The following SMAD9 variants were observed in gnomAD, a reference collection of about 807,000 sequenced individuals.
The protein encoded by SMAD9 is SMAD family member 9, also known as MAD homolog 9.
Under a neutral mutation model 46.1 loss-of-function variants are expected in SMAD9, and 36 were observed. The observed-to-expected ratio is 0.78, with a 90% CI of 0.60 to 1.03. The LOEUF (loss-of-function observed/expected upper bound fraction) is 1.03. SMAD9 is among the 50% of genes least tolerant of loss of function. The pLI is 0.00. For missense variants in SMAD9, 572 were observed against 599.8 expected (o/e 0.95, Z 0.48); for synonymous variants, 245 against 237.1 (o/e 1.03, Z -0.31).
chr13:36,916,590 T>G (rs1022569694), intron 1 of SMAD9, among the ~76,000 whole-genome samples: 3 of 152,086 alleles, frequency 2.0e-5, no homozygotes, highest in African/African-American at 7.2e-5. Flanking sequence ...TATTTATTGA[T>G]AGAGTACTAT....
intron 1 of SMAD9, among the ~76,000 whole-genome samples, chr13:36,889,608 C>T (rs1400078185): frequency 6.6e-6 from 1 of 152,086 alleles, no homozygotes; most frequent in East Asian, 1.9e-4. Flanking sequence ...TTTATGTATA[C>T]ACAAAATTAT....
At chr13:36,873,142 G>A (rs190523721) in intron 2 of SMAD9, among the ~76,000 whole-genome samples, 225 of 152,240 alleles carry the variant, frequency 1.5e-3, no homozygotes, top group South Asian at 9.3e-3. Context: ...TCTTCTCCTT[G>A]TAACCGGAAT....
At chr13:36,876,633 A>C (rs866790327) in intron 2 of SMAD9, among the ~76,000 whole-genome samples, 2 of 152,352 alleles carry the variant, frequency 1.3e-5, no homozygotes, top group Non-Finnish European at 1.5e-5. Flanking sequence ...GAAATTAAAA[A>C]AATAAAAACT....
intron 1 of SMAD9, among the ~76,000 whole-genome samples, chr13:36,882,030 C>G (rs558113046): frequency 7.2e-5 from 11 of 152,268 alleles, no homozygotes; most frequent in African/African-American, 2.6e-4. Context: ...AACAACAGTT[C>G]CCTAAACCAG....
intron 1 of SMAD9, among the ~76,000 whole-genome samples, chr13:36,882,334 T>C (rs991966270): frequency 6.6e-6 from 1 of 151,878 alleles, no homozygotes; most frequent in Non-Finnish European, 1.5e-5. Flanking sequence ...ATAAAAAAGT[T>C]TGAAAAGCAC....
At chr13:36,915,509 G>A (rs749856114) in intron 1 of SMAD9, among the ~76,000 whole-genome samples, 33 of 152,076 alleles carry the variant, frequency 2.2e-4, no homozygotes, top group Non-Finnish European at 3.7e-4. Context: ...ATCCCCACCA[G>A]TGAATCAGCT....
At position 36,865,538 on chromosome 13, in the gene SMAD9, C is replaced by CT; in HGVS notation, c.1001dup (p.Val336CysfsTer17). ...AAGGAATAACATCTTTGCTCTTACCCTTTCCTATATGTCTCCTGGTATTTT... is the reference window on the plus strand; with the variant it reads ...AAGGAATAACATCTTTGCTCTTACCCTTTTCCTATATGTCTCCTGGTATTTT... On this transcript the variant is annotated frameshift_variant and splice_region_variant, in exon 5 of 7. Coordinates refer to ENST00000379826, the MANE Select transcript of SMAD9 (RefSeq NM_001127217.3). LOFTEE classifies it high-confidence loss of function. 1.2e-6 allele frequency: 2 copies of CT among 1,611,262 alleles called. No homozygotes were observed. The highest frequency in any genetic ancestry group is 1.1e-5 in the South Asian group (1 of 90,882).
intron 3 of SMAD9, among the ~76,000 whole-genome samples, chr13:36,868,929 C>T (rs1397538296): frequency 6.6e-6 from 1 of 151,966 alleles, no homozygotes; most frequent in African/African-American, 2.4e-5. Context: ...AATGAGATAT[C>T]GTTCAGTCAC....
intron 1 of SMAD9, among the ~76,000 whole-genome samples, chr13:36,901,576 T>C (rs926534145): frequency 6.6e-6 from 1 of 152,088 alleles, no homozygotes. Flanking sequence ...TACAGGCACG[T>C]GCCACCATGC....
At chr13:36,878,389 T>C (rs1412832944) in intron 2 of SMAD9, among the ~76,000 whole-genome samples, 1 of 152,152 alleles carries the variant, frequency 6.6e-6, no homozygotes, top group East Asian at 1.9e-4. Context: ...CAGTATTTAG[T>C]ACAGTAGCAT....
chr13:36,853,361 G>GC, intron 6 of SMAD9, 58 bp downstream of exon 6: 1 of 1,568,028 alleles, frequency 6.4e-7, no homozygotes, highest in East Asian at 2.2e-5. Flanking sequence ...CAGTCAGGGT[G>GC]CTTTTTTGTT....
At chr13:36,869,460 G>C (rs1461584793) in intron 3 of SMAD9, among the ~76,000 whole-genome samples, 1 of 152,014 alleles carries the variant, frequency 6.6e-6, no homozygotes, top group Admixed American at 6.6e-5. Context: ...GACCTCAAGT[G>C]ATCCGCCTGC....
In SMAD9 at chr13:36,848,534, C is replaced by T. The variant is rs190329099; in HGVS notation, c.*142G>A. On this transcript the variant is annotated 3_prime_UTR_variant, in exon 7 of 7. Coordinates refer to ENST00000379826, the MANE Select transcript of SMAD9 (RefSeq NM_001127217.3). ...GGTTAACTAGAAAGCACAAAACAAA[C>T]GGTGATTAAAAAAAATAAGAACAGT... The T allele has an allele frequency of 4.3e-4, 367 of 862,914 alleles. No individual in the cohort carries two copies. The highest frequency in any genetic ancestry group is 1.2e-3 in the Middle Eastern group (5 of 4,188). The allele number at this position is 862,914 out of a possible 1,614,324, so 53.5% of individuals were successfully genotyped here. A position where few individuals can be genotyped will look rare whatever the true frequency, so the allele number is the denominator to read the frequency against.
At chr13:36,914,879 A>T (rs1226379160) in intron 1 of SMAD9, among the ~76,000 whole-genome samples, 1 of 152,258 alleles carries the variant, frequency 6.6e-6, no homozygotes, top group Non-Finnish European at 1.5e-5. Flanking sequence ...AGCTTTCCAT[A>T]GCCCACAAGT....
chr13:36,879,631 C>A lies in SMAD9; in HGVS notation c.59G>T (p.Arg20Ile). 6.2e-7 allele frequency: 1 copy of A among 1,614,202 alleles called. No individual in the cohort carries two copies. Among genetic ancestry groups the A allele is most frequent in the Non-Finnish European group, 8.5e-7 (1 of 1,180,022 alleles). ...LFSFTSPAVK[R>I]LLGWKQGDEE... The stretch of plus-strand genomic sequence containing the variant: ...ATCTCCTTGCTTCCAGCCTAGCAGT[C>A]TCTTCACTGCGGGGCTGGTGAAGGA... Residue 20 changes from arginine to isoleucine, a missense_variant, in exon 2 of 7, where the codon AGA (arginine) becomes ATA (isoleucine). Arg to Ile is a moderately conservative substitution (Grantham distance 97). Transcript: ENST00000379826.
chr13:36,887,455 T>C (rs907210649), intron 1 of SMAD9, among the ~76,000 whole-genome samples: 3 of 152,082 alleles, frequency 2.0e-5, no homozygotes, highest in African/African-American at 7.2e-5. Flanking sequence ...ACTCCTGACC[T>C]CAGGTGGTCC....
intron 2 of SMAD9, among the ~76,000 whole-genome samples, chr13:36,875,438 T>C (rs552886478): frequency 3.9e-5 from 6 of 152,320 alleles, no homozygotes; most frequent in Admixed American, 3.3e-4. Flanking sequence ...TTTCTTCCCC[T>C]TTTCTAAGCT....
intron 1 of SMAD9, among the ~76,000 whole-genome samples, chr13:36,909,957 G>A (rs1251204813): frequency 6.6e-6 from 1 of 152,178 alleles, no homozygotes; most frequent in African/African-American, 2.4e-5. Flanking sequence ...CAGCATTTTG[G>A]GAGGCCGAGG....
In SMAD9 at chr13:36,846,278, A is replaced by AC. The variant is rs1425079599; in HGVS notation, c.*2397_*2398insG. ...CGGGCGGATCACAAGGTCAAGAGAT[A>AC]GAGACCATTCTGGCTACCATGGTGA... On this transcript the variant is annotated 3_prime_UTR_variant, in exon 7 of 7. Coordinates refer to ENST00000379826, the MANE Select transcript of SMAD9 (RefSeq NM_001127217.3). 2 of 151,708 alleles carry AC rather than the reference A, an allele frequency of 1.3e-5. No individual in the cohort carries two copies. Among genetic ancestry groups the AC allele is most frequent in the African/African-American group, 2.4e-5 (1 of 41,332 alleles). 9.4% of individuals were successfully genotyped at this position (151,708 alleles called of 1,614,324 possible). A position where few individuals can be genotyped will look rare whatever the true frequency, so the allele number is the denominator to read the frequency against.
Sources: gnomAD v4.1 joint callset for allele counts (sites outside exome capture counted in the v4.1 genomes callset) on GRCh38, gnomAD v4.1.1 for gene constraint, MANE v1.5 for transcripts, NCBI Gene and HGNC (gene_info 2026-07-23, HGNC 2026-07-21) for gene names.